The following TTN variants were observed in gnomAD, a reference collection of about 807,000 sequenced individuals.
TTN encodes the protein titin.
TTN carries 1,525 observed loss-of-function variants against 3,223.0 expected under a neutral mutation model. The ratio of observed to expected loss-of-function variants is 0.47; its 90% CI spans 0.45 to 0.49. The LOEUF is 0.49. TTN is among the 20% of genes least tolerant of loss of function. The pLI, the probability that TTN is intolerant of heterozygous loss-of-function variation, is 0.00. For missense variants in TTN, 40,786 were observed against 43,424.0 expected (o/e 0.94, Z 5.40); for synonymous variants, 14,094 against 15,161.0 (o/e 0.93, Z 5.17).
chr2:178,667,880 C>T (rs1157396104), intron 159 of TTN, among the ~76,000 whole-genome samples, 159 bp from the exon 160 acceptor site: 1 of 152,112 alleles, frequency 6.6e-6, no homozygotes, highest in Admixed American at 6.6e-5. Context: ...GGGATAGCCT[C>T]ACTCCCAGTT....
chr2:178,649,211 C>T, intron 213 of TTN, 37 bp downstream of exon 213: 1 of 1,377,448 alleles, frequency 7.3e-7, no homozygotes, highest in Admixed American at 2.9e-5. Context: ...GCTTAAATAG[C>T]AGTTAGAGAA....
Position 178,641,248 on chromosome 2 carries a change from T to C in TTN, c.40626A>G (p.Lys13542=). The C allele has an allele frequency of 6.6e-7, 1 of 1,508,820 alleles. No individual in the cohort carries two copies. Among genetic ancestry groups the C allele is most frequent in the Non-Finnish European group, 8.9e-7 (1 of 1,128,692 alleles). 93.5% of individuals were successfully genotyped at this position (1,508,820 alleles called of 1,614,324 possible). A position where few individuals can be genotyped will look rare whatever the true frequency, so the allele number is the denominator to read the frequency against. Residue 13542 remains lysine, a synonymous_variant, in exon 220 of 363, where the codon AAA becomes AAG. Transcript: ENST00000589042. Reference sequence around the variant, plus strand: ...TGTCACTGAGATTCCTACCTGCAGGTTTTTTAACTTTTTCTAGTTTTTTAG... The same window carrying C: ...TGTCACTGAGATTCCTACCTGCAGGCTTTTTAACTTTTTCTAGTTTTTTAG... The part of the protein sequence containing the change: ...VEPKKLEKVK[K]PAVPEPPPPK...
chr2:178,732,466 T>TCCAC lies in TTN; in HGVS notation c.16591_16594dup (p.Glu5532GlyfsTer17). On this transcript the variant is annotated frameshift_variant, in exon 56 of 363. Coordinates refer to ENST00000589042, the MANE Select transcript of TTN (RefSeq NM_001267550.2). LOFTEE classifies it high-confidence loss of function. ...TTTTACAAACAAGTTTGCACTGCAT[T>TCCAC]CCACCCCTCCAGCGACATTGCTGAC... 6.2e-7 allele frequency: 1 copy of TCCAC among 1,611,326 alleles called. No individual in the cohort carries two copies. The highest frequency in any genetic ancestry group is 8.5e-7 in the Non-Finnish European group (1 of 1,178,182).
At chr2:178,535,935 TA>T (rs768793511) in intron 357 of TTN, 46 bp downstream of exon 357, 2 of 1,517,652 alleles carry the variant, frequency 1.3e-6, no homozygotes, top group East Asian at 4.5e-5. Context: ...ACCCCCAAGT[TA>T]ATAACTCATT....
At chr2:178,605,737 T>C (rs1007840665) in intron 278 of TTN, 24 bp from the exon 279 acceptor site, 10 of 1,442,572 alleles carry the variant, frequency 6.9e-6, no homozygotes, top group African/African-American at 1.4e-5. Flanking sequence ...CAAGTGAAAA[T>C]GATTAGCATG....
In TTN at chr2:178,563,905, C is replaced by G. The variant is rs1372169120; in HGVS notation, c.82227G>C (p.Lys27409Asn). ...TCCAAGAGAGTCGGCTTGTCTCCCT[C>G]TTTTCAATGATGTAATGTGAAATAT... is the stretch of plus-strand genomic sequence containing the variant. The part of the protein sequence containing the change: ...GANISHYIIE[K>N]RETSRLSWTQ... Residue 27409 changes from lysine to asparagine, a missense_variant, in exon 326 of 363, where the codon AAG becomes AAC. By Grantham distance (94) the Lys-to-Asn change is moderately conservative. Coordinates refer to ENST00000589042, the MANE Select transcript of TTN (RefSeq NM_001267550.2). The surrounding 1 kb of genome is among the most constrained non-coding windows in gnomAD (Gnocchi z 4.5). The G allele has an allele frequency of 6.2e-7, 1 of 1,613,710 alleles. No homozygotes were observed. Among genetic ancestry groups the G allele is most frequent in the Admixed American group, 1.7e-5 (1 of 59,992 alleles).
intron 212 of TTN, 44 bp downstream of exon 212, chr2:178,649,510 T>C (rs2062576510): frequency 1.3e-6 from 2 of 1,525,042 alleles, no homozygotes; most frequent in South Asian, 2.4e-5. Context: ...CTTTAAGATA[T>C]CAGAATACTT....
rs748327070 is a variant in TTN, at chr2:178,722,843, A to G, written c.22056T>C (p.Ile7352=). ...LQCQVAGTPE[I]TVSWYKGDTK... ...TATCTCCTTTGTACCAAGACACTGT[A>G]ATTTCTGGTGTCCCAGCAACTTGGC... Residue 7352 remains isoleucine (I), a synonymous_variant, in exon 76 of 363, where the codon ATT becomes ATC. Transcript: ENST00000589042. 4 of 1,613,238 alleles carry G rather than the reference A, an allele frequency of 2.5e-6. No individual in the cohort carries two copies. The South Asian group carries it at 4.4e-5, about 18-fold the overall frequency.
chr2:178,684,285 A>G (rs768512844), intron 132 of TTN, 45 bp downstream of exon 132: 4 of 1,588,402 alleles, frequency 2.5e-6, no homozygotes, highest in Non-Finnish European at 1.7e-6. Flanking sequence ...TGGTAAAGAG[A>G]GTAGGGCAAG....
chr2:178,677,179 T>A, intron 147 of TTN, 22 bp downstream of exon 147: 1 of 1,218,462 alleles, frequency 8.2e-7, no homozygotes, highest in Non-Finnish European at 1.0e-6. Flanking sequence ...GAACAATGTG[T>A]ATTCACTTTG....
chr2:178,752,045 A>G lies in TTN; in HGVS notation c.11311+1079T>C, dbSNP rs75296095. The G allele has an allele frequency of 4.4e-5, 22 of 495,954 alleles. No homozygotes were observed. In the East Asian group the frequency reaches 1.9e-3, roughly 42 times the overall value. 30.7% of individuals were successfully genotyped at this position (495,954 alleles called of 1,614,324 possible). On this transcript the variant is annotated intron_variant, in intron 47 of 362. Transcript: ENST00000589042. ...TTCCCCCTCAGAGAATAATTCTGGAAAAAAAAAAAAAAACCTTTACTATTT... is the reference window on the plus strand; with the variant it reads ...TTCCCCCTCAGAGAATAATTCTGGAGAAAAAAAAAAAAACCTTTACTATTT...
chr2:178,529,180 T>C lies in TTN; in HGVS notation c.106571A>G (p.Lys35524Arg), dbSNP rs771371960. The C allele has an allele frequency of 2.6e-6, 4 of 1,528,870 alleles. No homozygotes were observed. In the South Asian group the frequency reaches 3.9e-5, roughly 15 times the overall value. The allele number at this position is 1,528,870 out of a possible 1,614,324, so 94.7% of individuals were successfully genotyped here. Residue 35524 changes from lysine to arginine, a missense_variant, in exon 360 of 363, where the codon AAG becomes AGG. Lys to Arg is a conservative substitution (Grantham distance 26). Coordinates refer to ENST00000589042, the MANE Select transcript of TTN (RefSeq NM_001267550.2). ...DTEAQKVSTQ[K>R]TSEITPQKKA... ...CTTCTGAGGTGTAATTTCAGAAGTC[T>C]TTTGTGTAGAGACTTTCTGTGCCTC...
At position 178,682,031 on chromosome 2, in the gene TTN, A is replaced by T. The variant is rs117963179; in HGVS notation, c.33095-293T>A. Among the ~76,000 whole-genome samples, 97 of 152,084 alleles carry T rather than the reference A, an allele frequency of 6.4e-4. 1 individual carries two copies. In the East Asian group the frequency reaches 0.019, roughly 29 times the overall value. On this transcript the variant is annotated intron_variant, in intron 135 of 362. Transcript: ENST00000589042. The stretch of plus-strand genomic sequence containing the variant: ...TGGTTTTTTTAAAGCTATCAGTAAG[A>T]CTATGTAGAATGTTCTCAAAGTTGG...
chr2:178,698,960 T>G (rs1045397660), intron 111 of TTN, 46 bp from the exon 112 acceptor site: 1 of 1,466,506 alleles, frequency 6.8e-7, no homozygotes, highest in Non-Finnish European at 9.0e-7. Flanking sequence ...ATTTCTGGTG[T>G]AAGTAACTAA....
intron 46 of TTN, among the ~76,000 whole-genome samples, chr2:178,754,837 A>G (rs1317489617): frequency 6.6e-6 from 1 of 152,210 alleles, no homozygotes. Context: ...ACAAAATCTC[A>G]TTAAGAAAGA....
Position 178,560,946 on chromosome 2 carries a change from T to C in TTN, c.85186A>G (p.Ile28396Val), listed in dbSNP as rs1703421976. 6.2e-7 allele frequency: 1 copy of C among 1,613,820 alleles called. No individual in the cohort carries two copies. The highest frequency in any genetic ancestry group is 8.5e-7 in the Non-Finnish European group (1 of 1,179,792). The change falls in exon 326 of 363, where the codon ATA becomes GTA. Residue 28396 changes from isoleucine to valine, a missense_variant. Transcript: ENST00000589042. Reference sequence around the variant, plus strand: ...GTTCTTGCTCTTTCTTCAATTTCTATACCATCCTTGGCCCAGGAAATTACT... The same window carrying C: ...GTTCTTGCTCTTTCTTCAATTTCTACACCATCCTTGGCCCAGGAAATTACT... ...LPVISWAKDG[I>V]EIEERARTEI...
rs754953607 is a variant in TTN at position 178,550,222 on chromosome 2, TTAA to T, written c.91613_91615del (p.Ile30538del). The T allele has an allele frequency of 1.7e-5, 28 of 1,613,574 alleles. No homozygotes were observed. In the African/African-American group the frequency reaches 2.5e-4, roughly 15 times the overall value. ...TTTAATTCTAAGGCTCTCTCCGGAC[TTAA>T]TAATGAGACCATCAAAGTATTCAGG... On this transcript the variant is annotated inframe_deletion, in exon 337 of 363. Transcript: ENST00000589042.
Position 178,565,106 on chromosome 2 carries a change from A to C in TTN, c.81026T>G (p.Ile27009Ser). The change falls in exon 326 of 363, where the codon ATT becomes AGT. Residue 27009 changes from isoleucine to serine, a missense_variant. Transcript: ENST00000589042. ...GGTGGTTGTATCTCGCTTCTCTACA[A>C]TGTAGTTGCTTATTTGGCAGCCACC... ...YTGGCQISNY[I>S]VEKRDTTTTT... 6.2e-7 allele frequency: 1 copy of C among 1,613,528 alleles called. No homozygotes were observed. The highest frequency in any genetic ancestry group is 8.5e-7 in the Non-Finnish European group (1 of 1,179,640).
intron 88 of TTN, among the ~76,000 whole-genome samples, chr2:178,716,394 T>C (rs1229164386): frequency 6.6e-6 from 1 of 152,174 alleles, no homozygotes; most frequent in Non-Finnish European, 1.5e-5. Flanking sequence ...CTATATGTCA[T>C]AGAGCAAATG....
Sources: gnomAD v4.1 joint callset for allele counts (sites outside exome capture counted in the v4.1 genomes callset) on GRCh38, gnomAD v4.1.1 for gene constraint, Gnocchi (gnomAD v3.1) non-coding constraint, MANE v1.5 for transcripts, NCBI Gene and HGNC (gene_info 2026-07-23, HGNC 2026-07-21) for gene names.